CTNNA3: variants seen among roughly 807,000 people sequenced by gnomAD.
The protein encoded by CTNNA3 is catenin alpha-3.
Under a neutral mutation model 95.7 loss-of-function variants are expected in CTNNA3, and 76 were observed. That is an observed-to-expected ratio of 0.79 (90% CI 0.66 to 0.96). The LOEUF (loss-of-function observed/expected upper bound fraction) is 0.96, where lower values mean the gene tolerates loss of function less well. CTNNA3 is among the 40% of genes least tolerant of loss of function. The pLI is 0.00. For synonymous variants in CTNNA3, 431 were observed against 374.4 expected (o/e 1.15, Z -1.74); for missense variants, 1,191 against 1,089.8 (o/e 1.09, Z -1.31).
chr10:66,792,150 A>G (rs1840996754), intron 7 of CTNNA3, among the ~76,000 whole-genome samples: 3 of 152,148 alleles, frequency 2.0e-5, no homozygotes, highest in Admixed American at 2.0e-4. Flanking sequence ...CTCCTTTAAC[A>G]TTTACCTTGT....
At chr10:66,118,556 C>T (rs2082436690) in intron 13 of CTNNA3, among the ~76,000 whole-genome samples, 1 of 152,138 alleles carries the variant, frequency 6.6e-6, no homozygotes, top group Non-Finnish European at 1.5e-5. Flanking sequence ...CCCTTCTAAC[C>T]GTCACCTTAT....
In CTNNA3 at chr10:66,789,161, CT is replaced by C. The variant is rs113283775; in HGVS notation, c.1048-13638del. Reference sequence around the variant, plus strand: ...TGCTCTATTTATCTGCTTACTAAACCTTTTTTTTGTTTATTTGTTTGTTTTG... The same window carrying C: ...TGCTCTATTTATCTGCTTACTAAACCTTTTTTTGTTTATTTGTTTGTTTTG... On this transcript the variant is annotated intron_variant, in intron 7 of 17. Transcript: ENST00000433211. 5.3e-5 allele frequency among the ~76,000 whole-genome samples: 8 copies of C among 151,598 alleles called. No individual in the cohort carries two copies. The East Asian group carries it at 5.8e-4, about 11-fold the overall frequency.
At chr10:66,725,673 G>A (rs1848759215) in intron 9 of CTNNA3, among the ~76,000 whole-genome samples, 1 of 152,090 alleles carries the variant, frequency 6.6e-6, no homozygotes, top group South Asian at 2.1e-4. Context: ...TGGCAGATAT[G>A]AAGATTCAAA....
At position 67,705,946 on chromosome 10, in the gene CTNNA3, C is replaced by T. The variant is rs370341128; in HGVS notation, c.-2+57488G>A. The stretch of plus-strand genomic sequence containing the variant: ...AGGAGACTTTTTATTCCAAAGCTGG[C>T]TTAGGGGAAGAAGTGCAGACTTCTG... On this transcript the variant is annotated intron_variant, in intron 1 of 17. Transcript: ENST00000684154. Among the ~76,000 whole-genome samples the T allele has an allele frequency of 3.1e-4, 47 of 152,126 alleles. No homozygotes were observed. In the East Asian group the frequency reaches 5.2e-3, roughly 17 times the overall value.
chr10:66,002,527 T>C (rs2078790728), intron 15 of CTNNA3, among the ~76,000 whole-genome samples: 1 of 152,202 alleles, frequency 6.6e-6, no homozygotes, highest in Non-Finnish European at 1.5e-5. Flanking sequence ...GCTATTATAA[T>C]ATCAAAATGT....
intron 15 of CTNNA3, among the ~76,000 whole-genome samples, chr10:66,060,389 A>G (rs2080170072): frequency 6.6e-6 from 1 of 152,132 alleles, no homozygotes; most frequent in South Asian, 2.1e-4. Context: ...TGACACATGT[A>G]TCTAATTTTG....
chr10:66,115,069 T>G (rs1270619098), intron 13 of CTNNA3, among the ~76,000 whole-genome samples: 2 of 152,300 alleles, frequency 1.3e-5, no homozygotes, highest in Admixed American at 6.5e-5. Context: ...TAGGAAAATC[T>G]GCTTAAGGTT....
chr10:66,884,555 A>G (rs1039691126), intron 7 of CTNNA3, among the ~76,000 whole-genome samples: 5 of 152,106 alleles, frequency 3.3e-5, no homozygotes, highest in African/African-American at 7.2e-5. Context: ...TTGGAAGCAG[A>G]TCTTCCAGTC....
Position 67,743,768 on chromosome 10 carries a change from A to T in CTNNA3, c.-2+19666T>A, listed in dbSNP as rs1244027550. ...CTAGAAAACCCCACTATCTCAGCCC[A>T]AAATCTCCTTAAGCTGATAAGCAAC... On this transcript the variant is annotated intron_variant, in intron 1 of 17. Transcript: ENST00000684154. Among the ~76,000 whole-genome samples, 12 of 151,352 alleles carry T rather than the reference A, an allele frequency of 7.9e-5. 1 individual carries two copies. Among genetic ancestry groups the T allele is most frequent in the Admixed American group, 6.6e-4 (10 of 15,116 alleles).
At chr10:66,003,329 G>GGTGGGT (rs1554828018) in intron 15 of CTNNA3, among the ~76,000 whole-genome samples, 1 of 149,940 alleles carries the variant, frequency 6.7e-6, no homozygotes, top group East Asian at 2.0e-4. Flanking sequence ...TGGTGGTGGT[G>GGTGGGT]GTGTGTGTGT....
intron 3 of CTNNA3, among the ~76,000 whole-genome samples, chr10:67,562,311 G>A (rs540328631): frequency 2.6e-5 from 4 of 152,036 alleles, no homozygotes; most frequent in Admixed American, 1.3e-4. Flanking sequence ...GGGCTTCATC[G>A]CTGGGATGCA....
intron 17 of CTNNA3, among the ~76,000 whole-genome samples, chr10:65,923,631 T>C (rs1408284806): frequency 6.6e-6 from 1 of 152,224 alleles, no homozygotes; most frequent in Non-Finnish European, 1.5e-5. Context: ...GTCAAGCTTC[T>C]AATTAAATTG....
intron 12 of CTNNA3, among the ~76,000 whole-genome samples, chr10:66,346,211 GTATATATATATATATATATATA>G (rs368554085): frequency 5.7e-5 from 6 of 105,516 alleles, no homozygotes; most frequent in East Asian, 5.3e-4. Flanking sequence ...ATGTGTGTGT[GTATATATATATATATATATATA>G]TATATATATA....
chr10:67,340,064 T>C (rs1842127358), intron 5 of CTNNA3, among the ~76,000 whole-genome samples: 1 of 152,186 alleles, frequency 6.6e-6, no homozygotes, highest in Admixed American at 6.5e-5. Context: ...ATATATTAAT[T>C]GTCCTGCTTA....
intron 12 of CTNNA3, among the ~76,000 whole-genome samples, chr10:66,340,650 A>C (rs963718273): frequency 2.0e-5 from 3 of 151,802 alleles, no homozygotes; most frequent in Admixed American, 6.6e-5. Context: ...ATTTCAATAC[A>C]TGAAATATTA....
chr10:66,268,084 T>C (rs2091197096), intron 13 of CTNNA3, among the ~76,000 whole-genome samples: 2 of 146,800 alleles, frequency 1.4e-5, no homozygotes, highest in South Asian at 4.3e-4. Flanking sequence ...TTGTTGAAAA[T>C]GATGATGATG....
intron 12 of CTNNA3, among the ~76,000 whole-genome samples, chr10:66,375,589 C>CA (rs35007442): frequency 0.092 from 12,825 of 139,064 alleles, 854 homozygotes; most frequent in East Asian, 0.36. Flanking sequence ...GCTGCAATGC[C>CA]AAAAAAAAAA....
At chr10:67,340,939 G>A (rs1842161722) in intron 5 of CTNNA3, among the ~76,000 whole-genome samples, 1 of 152,170 alleles carries the variant, frequency 6.6e-6, no homozygotes, top group South Asian at 2.1e-4. Flanking sequence ...GGAGGAAGTA[G>A]AAGCGTAAAC....
At chr10:67,054,260 A>G (rs550495801) in intron 7 of CTNNA3, among the ~76,000 whole-genome samples, 2 of 152,294 alleles carry the variant, frequency 1.3e-5, no homozygotes, top group South Asian at 4.1e-4. Context: ...CAATGTGGAG[A>G]TATAAAAATT....
Sources: gnomAD v4.1 joint callset for allele counts (sites outside exome capture counted in the v4.1 genomes callset) on GRCh38, gnomAD v4.1.1 for gene constraint, MANE v1.5 for transcripts, NCBI Gene and HGNC (gene_info 2026-07-23, HGNC 2026-07-21) for gene names.